Variants in VAV2 observed in about 807,000 individuals in gnomAD.
VAV2 encodes vav guanine nucleotide exchange factor 2, also known as guanine nucleotide exchange factor VAV2.
VAV2 carries 67 observed loss-of-function variants against 132.5 expected under a neutral mutation model. That is an observed-to-expected ratio of 0.51 (90% CI 0.42 to 0.62). VAV2 has a LOEUF of 0.62. VAV2 is among the 20% of genes least tolerant of loss of function. The probability of loss-of-function intolerance (pLI) is 0.00; values close to 1 mark genes in which losing one functional copy is unlikely to be tolerated. For missense variants in VAV2, 938 were observed against 1,153.6 expected (o/e 0.81, Z 2.71); for synonymous variants, 492 against 443.5 (o/e 1.11, Z -1.37).
chr9:133,987,627 C>T (rs1588232443), intron 1 of VAV2, among the ~76,000 whole-genome samples: 1 of 152,194 alleles, frequency 6.6e-6, no homozygotes, highest in Non-Finnish European at 1.5e-5. Context: ...GCAATGGCTG[C>T]CTGATGTGTT....
chr9:133,936,809 T>C (rs916396593), intron 2 of VAV2, among the ~76,000 whole-genome samples: 7 of 152,104 alleles, frequency 4.6e-5, no homozygotes, highest in African/African-American at 1.7e-4. Flanking sequence ...CCATGAGAGA[T>C]GCCACAGCTT....
At chr9:133,841,576 C>T (rs1836725166) in intron 3 of VAV2, among the ~76,000 whole-genome samples, 1 of 152,190 alleles carries the variant, frequency 6.6e-6, no homozygotes, top group Non-Finnish European at 1.5e-5. Flanking sequence ...CCAGGGCCAA[C>T]ATGCAGCTCC....
chr9:133,885,860 C>A lies in VAV2; in HGVS notation c.322-24428G>T, dbSNP rs1057120570. On this transcript the variant is annotated intron_variant, in intron 2 of 29. Coordinates refer to ENST00000371850, the MANE Select transcript of VAV2 (RefSeq NM_001134398.2). This position sits in a 1 kb window ranked among gnomAD's most constrained non-coding sequence, Gnocchi z 5.0. The stretch of plus-strand genomic sequence containing the variant: ...GGAACCACAGGCGCCACTGGGACGG[C>A]CCATTGGTGACAACCAAACTCAGGT... Among the ~76,000 whole-genome samples, 1 of 152,188 alleles carries A rather than the reference C, an allele frequency of 6.6e-6. No individual in the cohort carries two copies. The highest frequency in any genetic ancestry group is 2.4e-5 in the African/African-American group (1 of 41,438).
chr9:133,871,877 G>A (rs774859924), intron 2 of VAV2, among the ~76,000 whole-genome samples: 1 of 152,202 alleles, frequency 6.6e-6, no homozygotes, highest in Non-Finnish European at 1.5e-5. Context: ...GTGGGGGCCA[G>A]CCCTGCCCCT....
At chr9:133,986,603 T>C (rs1842862838) in intron 1 of VAV2, among the ~76,000 whole-genome samples, 1 of 152,218 alleles carries the variant, frequency 6.6e-6, no homozygotes, top group South Asian at 2.1e-4. Context: ...TGATGCCCCA[T>C]ACTTACCCTC....
chr9:133,947,325 T>C (rs578126937), intron 1 of VAV2, among the ~76,000 whole-genome samples: 72 of 152,274 alleles, frequency 4.7e-4, no homozygotes, highest in Middle Eastern at 6.8e-3. Context: ...ATAACCACTC[T>C]AGCAGGGGGC....
At chr9:133,936,547 C>T (rs1840917039) in intron 2 of VAV2, among the ~76,000 whole-genome samples, 1 of 152,142 alleles carries the variant, frequency 6.6e-6, no homozygotes, top group Admixed American at 6.5e-5. Flanking sequence ...CCGACCCAGC[C>T]ATTGCATCTT....
At position 133,883,479 on chromosome 9, in the gene VAV2, A is replaced by G. The variant is rs1838580560; in HGVS notation, c.322-22047T>C. 6.6e-6 allele frequency among the ~76,000 whole-genome samples: 1 copy of G among 152,152 alleles called. No individual in the cohort carries two copies. Among genetic ancestry groups the G allele is most frequent in the Admixed American group, 6.5e-5 (1 of 15,278 alleles). On this transcript the variant is annotated intron_variant, in intron 2 of 29. Coordinates refer to ENST00000371850, the MANE Select transcript of VAV2 (RefSeq NM_001134398.2). This position sits in a 1 kb window ranked among gnomAD's most constrained non-coding sequence, Gnocchi z 4.2. ...CAGCCACTTAAAAATTCGTCGGAAC[A>G]TGTTGAAACAATGAGGGGATAGAAC... is the stretch of plus-strand genomic sequence containing the variant.
intron 1 of VAV2, among the ~76,000 whole-genome samples, chr9:133,967,036 A>C (rs1339875784): frequency 7.6e-6 from 1 of 131,562 alleles, no homozygotes; most frequent in Non-Finnish European, 1.6e-5. Flanking sequence ...CTTTGTCTCA[A>C]AAAAAAAAAA....
chr9:133,895,898 G>C (rs961102332), intron 2 of VAV2, among the ~76,000 whole-genome samples: 1 of 151,436 alleles, frequency 6.6e-6, no homozygotes, highest in Admixed American at 6.6e-5. Flanking sequence ...TCTGGTTCTC[G>C]GCCTTCTTAA....
At chr9:133,818,382 A>C (rs954059266) in intron 4 of VAV2, among the ~76,000 whole-genome samples, 3 of 151,826 alleles carry the variant, frequency 2.0e-5, no homozygotes, top group Admixed American at 6.6e-5. Flanking sequence ...AAAAAAAAAA[A>C]AATGGGTGGA....
At chr9:133,966,660 C>T (rs2132241270) in intron 1 of VAV2, among the ~76,000 whole-genome samples, 1 of 152,108 alleles carries the variant, frequency 6.6e-6, no homozygotes, top group Non-Finnish European at 1.5e-5. Context: ...GTGATCACAC[C>T]ACTGCACTCC....
rs1413060227 is a variant in VAV2, at chr9:133,834,273, C to T, written c.448G>A (p.Asp150Asn). ...CCTCCTCCCATCCCCCCGCCTTACT[C>T]GGCCAGCTCCTCCAGGCTGCGGTAG... ...DVYRSLEELADEHDLGEDIYD... is the reference protein window; with the variant it reads ...DVYRSLEELANEHDLGEDIYD... Residue 150 changes from aspartate to asparagine, a missense_variant and splice_region_variant, in exon 4 of 30, where the codon GAC becomes AAC. Asp to Asn is a conservative substitution (Grantham distance 23). Coordinates refer to ENST00000371850, the MANE Select transcript of VAV2 (RefSeq NM_001134398.2). The surrounding 1 kb of genome is among the most constrained non-coding windows in gnomAD (Gnocchi z 5.9). 4 of 1,609,880 alleles carry T rather than the reference C, an allele frequency of 2.5e-6. No homozygotes were observed. Among genetic ancestry groups the T allele is most frequent in the Middle Eastern group, 1.7e-4 (1 of 6,056 alleles).
intron 1 of VAV2, among the ~76,000 whole-genome samples, chr9:133,952,967 CCCCGGGACA>C (rs1841615645): frequency 1.3e-5 from 2 of 149,494 alleles, no homozygotes; most frequent in East Asian, 4.0e-4. Flanking sequence ...GGAGCATGGC[CCCCGGGACA>C]CCTAGAACCT....
intron 8 of VAV2, 142 bp downstream of exon 8, chr9:133,807,116 G>T: frequency 1.1e-6 from 1 of 914,166 alleles, no homozygotes; most frequent in Non-Finnish European, 1.6e-6. Context: ...AGCGGTGGGG[G>T]CTCCTCCTTC....
intron 14 of VAV2, 23 bp downstream of exon 14, chr9:133,789,235 C>T (rs1434614032): frequency 6.2e-7 from 1 of 1,612,804 alleles, no homozygotes; most frequent in Admixed American, 1.7e-5. Context: ...CGCCACCCAG[C>T]CCACAACACG....
Position 133,935,103 on chromosome 9 carries a change from C to A in VAV2, c.321+4000G>T, listed in dbSNP as rs73554664. Among the ~76,000 whole-genome samples the A allele has an allele frequency of 1.3e-5, 2 of 151,950 alleles. No homozygotes were observed. Among genetic ancestry groups the A allele is most frequent in the South Asian group, 4.2e-4 (2 of 4,802 alleles). On this transcript the variant is annotated intron_variant, in intron 2 of 29. Transcript: ENST00000371850. The surrounding 1 kb of genome is among the most constrained non-coding windows in gnomAD (Gnocchi z 5.2). ...GTTCTGGGGAGAAACAGCTGCCACCCCCGTCCTGGGCAGGCCAAGGGTGGG... is the reference window on the plus strand; with the variant it reads ...GTTCTGGGGAGAAACAGCTGCCACCACCGTCCTGGGCAGGCCAAGGGTGGG...
intron 1 of VAV2, among the ~76,000 whole-genome samples, chr9:133,987,211 G>T (rs1010287214): frequency 6.6e-6 from 1 of 152,084 alleles, no homozygotes; most frequent in African/African-American, 2.4e-5. Context: ...ACACTCTCCA[G>T]CTGTCCAGCT....
At chr9:133,886,978 G>A (rs998447977) in intron 2 of VAV2, among the ~76,000 whole-genome samples, 7 of 152,186 alleles carry the variant, frequency 4.6e-5, no homozygotes, top group African/African-American at 1.7e-4. Flanking sequence ...ATGGGGGAGG[G>A]AAGCCAGACA....
Sources: gnomAD v4.1 joint callset for allele counts (sites outside exome capture counted in the v4.1 genomes callset) on GRCh38, gnomAD v4.1.1 for gene constraint, Gnocchi (gnomAD v3.1) non-coding constraint, MANE v1.5 for transcripts, NCBI Gene and HGNC (gene_info 2026-07-23, HGNC 2026-07-21) for gene names.